The following SLC16A9 variants were observed in gnomAD, a reference collection of about 807,000 sequenced individuals.
The protein encoded by SLC16A9 is monocarboxylate transporter 9.
A neutral mutation model predicts 44.3 loss-of-function variants in SLC16A9; 26 were observed. That is an observed-to-expected ratio of 0.59 (90% confidence interval 0.43 to 0.81). SLC16A9 has a LOEUF of 0.81. SLC16A9 is among the 40% of genes least tolerant of loss of function. SLC16A9 has a pLI of 0.00. For missense variants in SLC16A9, 559 were observed against 595.8 expected (o/e 0.94, Z 0.64); for synonymous variants, 230 against 225.1 (o/e 1.02, Z -0.19).
At chr10:59,679,496 A>G (rs940232594) in intron 2 of SLC16A9, among the ~76,000 whole-genome samples, 1 of 152,192 alleles carries the variant, frequency 6.6e-6, no homozygotes, top group African/African-American at 2.4e-5. Flanking sequence ...ACTCTCAGGG[A>G]TAGGCTGCAG....
intron 2 of SLC16A9, among the ~76,000 whole-genome samples, chr10:59,678,546 C>CTTTCTTTTTTTT (rs1554870853): frequency 3.3e-5 from 1 of 30,594 alleles, no homozygotes; most frequent in African/African-American, 8.9e-5. Flanking sequence ...TTTTCTTTTT[C>CTTTCTTTTTTTT]TTTTTTTTGA....
chr10:59,683,666 G>A (rs2132491273), intron 2 of SLC16A9, among the ~76,000 whole-genome samples: 1 of 152,316 alleles, frequency 6.6e-6, no homozygotes, highest in African/African-American at 2.4e-5. Context: ...CTAGAAGGCT[G>A]CTGAGAGCCA....
chr10:59,653,682 G>T lies in SLC16A9; in HGVS notation c.1344C>A (p.Pro448=), dbSNP rs2132392303. Reference sequence around the variant, plus strand: ...TTAAGATAAATATCTTACCAACGATGGGTGGTCCTAGGCTATTTCCAAGTC... The same window carrying T: ...TTAAGATAAATATCTTACCAACGATTGGTGGTCCTAGGCTATTTCCAAGTC... ...FAGLGNSLGP[P]IVGWFYDWTQ... is the part of the protein sequence containing the mutation. The change falls in exon 5 of 6, where the codon CCC becomes CCA. Residue 448 remains proline (P), a synonymous_variant. Coordinates refer to ENST00000395348, the MANE Select transcript of SLC16A9 (RefSeq NM_194298.3). The T allele has an allele frequency of 6.2e-7, 1 of 1,607,910 alleles. No individual in the cohort carries two copies.
At chr10:59,693,287 A>G (rs533711657) in intron 1 of SLC16A9, among the ~76,000 whole-genome samples, 2 of 152,368 alleles carry the variant, frequency 1.3e-5, no homozygotes, top group East Asian at 3.9e-4. Context: ...AGCAAATGTC[A>G]TCATGTTAAC....
intron 4 of SLC16A9, among the ~76,000 whole-genome samples, chr10:59,662,659 GA>G (rs369245128): frequency 0.068 from 7,628 of 112,058 alleles, 360 homozygotes; most frequent in African/African-American, 0.13. Context: ...AAAAAGAAAA[GA>G]AAAAAAGAAG....
At chr10:59,671,594 C>G (rs938904184) in intron 3 of SLC16A9, among the ~76,000 whole-genome samples, 2 of 152,122 alleles carry the variant, frequency 1.3e-5, no homozygotes, top group Non-Finnish European at 2.9e-5. Context: ...ATAGAACTCC[C>G]TACATTGTTC....
intron 3 of SLC16A9, 93 bp downstream of exon 3, chr10:59,672,677 C>T (rs915970789): frequency 2.4e-6 from 3 of 1,246,858 alleles, no homozygotes; most frequent in South Asian, 3.6e-5. Context: ...AGCATTTTCA[C>T]TCCTTTACAT....
Position 59,652,558 on chromosome 10 carries a change from G to T in SLC16A9, c.*214C>A. The T allele has an allele frequency of 2.3e-6, 1 of 436,694 alleles. No individual in the cohort carries two copies. Among genetic ancestry groups the T allele is most frequent in the East Asian group, 3.9e-5 (1 of 25,376 alleles). The allele number at this position is 436,694 out of a possible 1,614,324, so 27.1% of individuals were successfully genotyped here. On this transcript the variant is annotated 3_prime_UTR_variant, in exon 6 of 6. Transcript: ENST00000395348. ...ACAGAATAGTCCCATTGATGGTGTG[G>T]GGAGGAGAAATAGAAAAAAATACGA...
chr10:59,657,355 T>C (rs1394546005), intron 4 of SLC16A9, among the ~76,000 whole-genome samples: 1 of 152,230 alleles, frequency 6.6e-6, no homozygotes, highest in Admixed American at 6.5e-5. Context: ...CTTCATTTCA[T>C]GCCCACATTC....
intron 3 of SLC16A9, among the ~76,000 whole-genome samples, chr10:59,666,744 CAG>C (rs1839626610): frequency 1.3e-5 from 2 of 152,008 alleles, no homozygotes; most frequent in South Asian, 2.1e-4. Flanking sequence ...TTATTTGAAA[CAG>C]TGTCTGACAG....
At chr10:59,699,079 G>A (rs185027503) in intron 1 of SLC16A9, among the ~76,000 whole-genome samples, 3 of 152,206 alleles carry the variant, frequency 2.0e-5, no homozygotes, top group African/African-American at 7.2e-5. Context: ...TCATACCCTA[G>A]TGTTCTGCTC....
chr10:59,691,446 C>T (rs1275561469), intron 1 of SLC16A9, among the ~76,000 whole-genome samples: 3 of 152,116 alleles, frequency 2.0e-5, no homozygotes, highest in African/African-American at 7.2e-5. Context: ...TGAACTTGAA[C>T]TTGTAAGCAT....
chr10:59,686,791 T>C (rs946581860), intron 1 of SLC16A9, among the ~76,000 whole-genome samples: 3 of 152,196 alleles, frequency 2.0e-5, no homozygotes, highest in South Asian at 2.1e-4. Context: ...TTTCCTTTTT[T>C]ATAAAATCAA....
intron 3 of SLC16A9, among the ~76,000 whole-genome samples, chr10:59,670,847 A>G (rs140774860): frequency 1.4e-3 from 220 of 152,264 alleles, no homozygotes; most frequent in African/African-American, 5.2e-3. Flanking sequence ...CATGAGCCCT[A>G]TACTATGAGC....
rs561372745 is a variant in SLC16A9, at chr10:59,651,702, G to A, written c.*1070C>T. On this transcript the variant is annotated 3_prime_UTR_variant, in exon 6 of 6. Coordinates refer to ENST00000395348, the MANE Select transcript of SLC16A9 (RefSeq NM_194298.3). ...TAAGGTTAAATGCAACTGCATAAGG[G>A]TATTAATTTCTTATTGCCCTTTTCC... The A allele has an allele frequency of 6.6e-6, 1 of 151,956 alleles. No homozygotes were observed. The highest frequency in any genetic ancestry group is 2.4e-5 in the African/African-American group (1 of 41,374). 9.4% of individuals were successfully genotyped at this position (151,956 alleles called of 1,614,324 possible).
In SLC16A9 at chr10:59,698,732, CTT is replaced by C. The variant is rs1020298939; in HGVS notation, c.-37+10745_-37+10746del. On this transcript the variant is annotated intron_variant, in intron 1 of 5. Transcript: ENST00000395348. ...TGACAAAAGCCAACACTTTGTCTCT[CTT>C]TTTTTTTTTTTCTTTTTTTTTGAGC... Among the ~76,000 whole-genome samples the C allele has an allele frequency of 4.8e-5, 7 of 144,618 alleles. No homozygotes were observed. In the East Asian group the frequency reaches 1.2e-3, roughly 25 times the overall value. The allele number at this position is 144,618 out of a possible 152,430, so 94.9% of individuals were successfully genotyped here. A position where few individuals can be genotyped will look rare whatever the true frequency, so the allele number is the denominator to read the frequency against.
intron 2 of SLC16A9, among the ~76,000 whole-genome samples, chr10:59,680,914 T>A (rs1839970521): frequency 6.6e-6 from 1 of 151,616 alleles, no homozygotes; most frequent in Non-Finnish European, 1.5e-5. Flanking sequence ...ACCCGGGAGG[T>A]CGAGGTTGCA....
intron 1 of SLC16A9, among the ~76,000 whole-genome samples, chr10:59,689,907 A>G (rs1429260039): frequency 6.6e-6 from 1 of 152,214 alleles, no homozygotes; most frequent in Non-Finnish European, 1.5e-5. Context: ...TTCATATCTT[A>G]TGATCTAATA....
At chr10:59,656,781 G>A (rs7097826) in intron 4 of SLC16A9, among the ~76,000 whole-genome samples, 140,095 of 152,258 alleles carry the variant, frequency 0.92, 65,616 homozygotes, top group East Asian at 1. Context: ...TAAGCCCTGC[G>A]TGCAATAGCT....
Sources: gnomAD v4.1 joint callset for allele counts (sites outside exome capture counted in the v4.1 genomes callset) on GRCh38, gnomAD v4.1.1 for gene constraint, MANE v1.5 for transcripts, NCBI Gene and HGNC (gene_info 2026-07-23, HGNC 2026-07-21) for gene names.